Variants in ITGB1 observed in about 807,000 individuals in gnomAD.
ITGB1 encodes the protein integrin beta-1.
In ITGB1, 24 loss-of-function variants were observed where a neutral mutation model predicts 86.5. The ratio of observed to expected loss-of-function variants is 0.28; its 90% confidence interval spans 0.20 to 0.39. The LOEUF (loss-of-function observed/expected upper bound fraction) is 0.39, where lower values mean the gene tolerates loss of function less well. Among genes scored for constraint, ITGB1 ranks in the 10% least tolerant of loss-of-function variants. The pLI, the probability that ITGB1 is intolerant of heterozygous loss-of-function variation, is 1.00. For missense variants in ITGB1, 556 were observed against 946.9 expected (o/e 0.59, Z 5.42); for synonymous variants, 323 against 316.8 (o/e 1.02, Z -0.21).
chr10:32,948,003 TG>T (rs2095035340), intron 1 of ITGB1, among the ~76,000 whole-genome samples: 1 of 133,300 alleles, frequency 7.5e-6, no homozygotes, highest in Non-Finnish European at 1.8e-5. Context: ...TAACTATGGT[TG>T]AATTTTTTTT....
At chr10:32,955,176 T>TA (rs2095050013) in intron 1 of ITGB1, among the ~76,000 whole-genome samples, 2 of 152,208 alleles carry the variant, frequency 1.3e-5, no homozygotes, top group African/African-American at 4.8e-5. Flanking sequence ...TTAACGTCTC[T>TA]ACTCCATACC....
At chr10:32,908,331 A>G (rs2094902809) in intron 15 of ITGB1, 37 bp downstream of exon 15, 2 of 1,594,282 alleles carry the variant, frequency 1.3e-6, no homozygotes, top group Non-Finnish European at 1.7e-6. Flanking sequence ...CATTTACTTT[A>G]TAAGCCACTT....
At chr10:32,941,136 A>G (rs538557716) in intron 1 of ITGB1, among the ~76,000 whole-genome samples, 2 of 152,286 alleles carry the variant, frequency 1.3e-5, no homozygotes, top group South Asian at 4.2e-4. Flanking sequence ...GGTGTGGAGA[A>G]AAGTGGAGAG....
At chr10:32,952,603 T>C (rs1343617722) in intron 1 of ITGB1, among the ~76,000 whole-genome samples, 2 of 152,216 alleles carry the variant, frequency 1.3e-5, no homozygotes, top group African/African-American at 4.8e-5. Flanking sequence ...GTTATTTACA[T>C]ATTCATTCAA....
At chr10:32,913,265 A>C (rs2094919510) in intron 11 of ITGB1, among the ~76,000 whole-genome samples, 1 of 151,754 alleles carries the variant, frequency 6.6e-6, no homozygotes, top group Non-Finnish European at 1.5e-5. Context: ...CTTCTCCTCC[A>C]AAGAAATGCA....
chr10:32,954,734 C>G (rs564525780), intron 1 of ITGB1, among the ~76,000 whole-genome samples: 9 of 152,170 alleles, frequency 5.9e-5, no homozygotes, highest in Non-Finnish European at 1.0e-4. Flanking sequence ...CATATATGTG[C>G]TTGTGTGTAT....
At chr10:32,943,269 C>T (rs1294691913) in intron 1 of ITGB1, among the ~76,000 whole-genome samples, 1 of 152,042 alleles carries the variant, frequency 6.6e-6, no homozygotes, top group Non-Finnish European at 1.5e-5. Context: ...AATTAACTTC[C>T]AAGTACAAAC....
chr10:32,915,448 T>A (rs1489258298), intron 11 of ITGB1, among the ~76,000 whole-genome samples: 7 of 151,178 alleles, frequency 4.6e-5, no homozygotes, highest in African/African-American at 1.7e-4. Context: ...AAGAGAAGAA[T>A]CAAATAGATG....
intron 11 of ITGB1, among the ~76,000 whole-genome samples, chr10:32,915,037 A>G (rs1243423620): frequency 6.6e-6 from 1 of 152,240 alleles, no homozygotes; most frequent in African/African-American, 2.4e-5. Context: ...AACTGCATGG[A>G]AACTAAATGA....
At position 32,919,877 on chromosome 10, in the gene ITGB1, C is replaced by A; in HGVS notation, c.1469+8G>T. ...AGCTCTGTCACTGTCTGACAACACC[C>A]AGCTTACCTGCACGCGCCACACTCA... On this transcript the variant is annotated splice_region_variant and intron_variant, in intron 11 of 15. Transcript: ENST00000302278. 6.2e-7 allele frequency: 1 copy of A among 1,613,638 alleles called. No homozygotes were observed. Among genetic ancestry groups the A allele is most frequent in the South Asian group, 1.1e-5 (1 of 91,072 alleles).
At chr10:32,906,997 A>T in intron 15 of ITGB1, 1 of 712,238 alleles carries the variant, frequency 1.4e-6, no homozygotes, top group Non-Finnish European at 2.3e-6. Flanking sequence ...GTGATAAAGG[A>T]CACACAGTGC....
rs555531592 is a variant in ITGB1 at position 32,940,507 on chromosome 10, A to T, written c.1-4949T>A. On this transcript the variant is annotated intron_variant, in intron 1 of 15. Transcript: ENST00000302278. ...CCAGCATCACCACAAACATGTGAGT[A>T]ATGTGTTGCACTATGACACTACATT... Among the ~76,000 whole-genome samples the T allele has an allele frequency of 2.0e-5, 3 of 152,344 alleles. No individual in the cohort carries two copies. The East Asian group carries it at 5.8e-4, about 29-fold the overall frequency.
rs185014113 is a variant in ITGB1, at chr10:32,910,696, A to C, written c.1932-241T>G. Among the ~76,000 whole-genome samples the C allele has an allele frequency of 3.0e-3, 461 of 152,368 alleles. 2 individuals carry two copies. The highest frequency in any genetic ancestry group is 0.01 in the African/African-American group (435 of 41,596). On this transcript the variant is annotated intron_variant, in intron 13 of 15. Transcript: ENST00000302278. ...CAAATTAAAACCCTATTAAGAAATA[A>C]AAGATAGTAAAATAAATTAGCCCTA...
chr10:32,924,870 C>T (rs1454629284), intron 6 of ITGB1, among the ~76,000 whole-genome samples: 1 of 152,202 alleles, frequency 6.6e-6, no homozygotes, highest in Non-Finnish European at 1.5e-5. Flanking sequence ...GAGATTGATG[C>T]ATTTTAACTT....
chr10:32,933,646 T>C (rs1445361368), intron 2 of ITGB1: 1 of 152,164 alleles, frequency 6.6e-6, no homozygotes, highest in East Asian at 1.9e-4. Context: ...GAGAGGACTG[T>C]TGCTAACATT....
At chr10:32,913,383 G>T (rs928989001) in intron 11 of ITGB1, among the ~76,000 whole-genome samples, 5 of 152,138 alleles carry the variant, frequency 3.3e-5, no homozygotes, top group African/African-American at 1.2e-4. Context: ...GCTAAAGGAG[G>T]ATATTCAAAC....
intron 1 of ITGB1, among the ~76,000 whole-genome samples, chr10:32,949,822 A>T (rs2137264941): frequency 1.3e-5 from 2 of 152,302 alleles, no homozygotes; most frequent in African/African-American, 4.8e-5. Context: ...TAATTTTTTT[A>T]AACAATTTTA....
chr10:32,946,813 G>T (rs544722952), intron 1 of ITGB1, among the ~76,000 whole-genome samples: 2 of 140,728 alleles, frequency 1.4e-5, no homozygotes, highest in African/African-American at 2.7e-5. Flanking sequence ...AGTCTTTCAA[G>T]ATGAACCAAG....
intron 15 of ITGB1, among the ~76,000 whole-genome samples, chr10:32,902,368 C>T (rs775498038): frequency 3.3e-5 from 5 of 152,180 alleles, no homozygotes; most frequent in Non-Finnish European, 7.3e-5. Context: ...AATATACTGA[C>T]AGTGATGTTT....
Sources: allele counts gnomAD v4.1 joint callset (sites outside exome capture counted in the v4.1 genomes callset), GRCh38; gene constraint gnomAD v4.1.1; transcripts MANE v1.5; gene names NCBI Gene and HGNC (gene_info 2026-07-23, HGNC 2026-07-21).